The following GABRB2 variants were observed in gnomAD, a reference collection of about 807,000 sequenced individuals.
The protein encoded by GABRB2 is gamma-aminobutyric acid receptor subunit beta-2.
Under a neutral mutation model 54.7 loss-of-function variants are expected in GABRB2, and 16 were observed. The observed-to-expected ratio is 0.29, with a 90% confidence interval of 0.20 to 0.44. The LOEUF is 0.44. Among genes scored for constraint, GABRB2 ranks in the 20% least tolerant of loss-of-function variants. The pLI, the probability that GABRB2 is intolerant of heterozygous loss-of-function variation, is 1.00. For missense variants in GABRB2, 355 were observed against 644.0 expected, an observed-to-expected ratio of 0.55 and a Z score of 4.86; for synonymous variants, 244 against 233.8, an observed-to-expected ratio of 1.04 and a Z score of -0.40.
At position 161,358,937 on chromosome 5, in the gene GABRB2, C is replaced by A. The variant is rs368899242; in HGVS notation, c.542-22168G>T. Among the ~76,000 whole-genome samples the A allele has an allele frequency of 4.3e-4, 66 of 152,252 alleles. 1 individual carries two copies. In the East Asian group the frequency reaches 0.01, roughly 24 times the overall value. On this transcript the variant is annotated intron_variant, in intron 5 of 9. Coordinates refer to ENST00000393959, the MANE Select transcript of GABRB2 (RefSeq NM_001371727.1). ...AATTTAAAGTGTGAGCAGTCACTGTCCTTTACTTTAGTGAGCTTAAGTGGG... is the reference window on the plus strand; with the variant it reads ...AATTTAAAGTGTGAGCAGTCACTGTACTTTACTTTAGTGAGCTTAAGTGGG...
chr5:161,420,040 C>T lies in GABRB2; in HGVS notation c.459-8983G>A, dbSNP rs1756802900. Among the ~76,000 whole-genome samples the T allele has an allele frequency of 2.6e-5, 4 of 152,046 alleles. No homozygotes were observed. The South Asian group carries it at 6.2e-4, about 24-fold the overall frequency. On this transcript the variant is annotated intron_variant, in intron 4 of 9. Transcript: ENST00000393959. ...CAGAGTCTCTTACAGACTAGAAAGCCACTCTCTGTTTCAAAAGTGATTAAT... is the reference window on the plus strand; with the variant it reads ...CAGAGTCTCTTACAGACTAGAAAGCTACTCTCTGTTTCAAAAGTGATTAAT...
At chr5:161,507,516 G>T (rs771404108) in intron 3 of GABRB2, among the ~76,000 whole-genome samples, 1 of 152,052 alleles carries the variant, frequency 6.6e-6, no homozygotes, top group Non-Finnish European at 1.5e-5. Context: ...ATGAAAGTGA[G>T]TAGGCATGTC....
At chr5:161,506,105 TA>T (rs1476043650) in intron 3 of GABRB2, among the ~76,000 whole-genome samples, 1 of 152,034 alleles carries the variant, frequency 6.6e-6, no homozygotes, top group Non-Finnish European at 1.5e-5. Flanking sequence ...TAAAGGACGT[TA>T]GAAAGCTCAC....
chr5:161,459,488 C>T (rs1157197902), intron 4 of GABRB2, 136 bp downstream of exon 4: 1 of 731,506 alleles, frequency 1.4e-6, no homozygotes, highest in Non-Finnish European at 2.4e-6. Flanking sequence ...TCTCAAATGT[C>T]TAGTGGATAG....
chr5:161,363,915 T>C lies in GABRB2; in HGVS notation c.542-27146A>G, dbSNP rs1341990726. Among the ~76,000 whole-genome samples, 3 of 152,232 alleles carry C rather than the reference T, an allele frequency of 2.0e-5. No homozygotes were observed. The South Asian group carries it at 6.2e-4, about 31-fold the overall frequency. ...GATTCTAAAAGAAGTATATTTTAAA[T>C]ATTCAGTGTTTTGTTTATAATTTTA... On this transcript the variant is annotated intron_variant, in intron 5 of 9. Transcript: ENST00000393959.
intron 3 of GABRB2, among the ~76,000 whole-genome samples, chr5:161,537,484 G>A (rs1323913711): frequency 6.6e-6 from 1 of 151,952 alleles, no homozygotes; most frequent in Non-Finnish European, 1.5e-5. Context: ...TCCCCTTCCT[G>A]TCTTCCCTAC....
intron 5 of GABRB2, among the ~76,000 whole-genome samples, chr5:161,345,522 C>T (rs1416929902): frequency 6.6e-6 from 1 of 152,062 alleles, no homozygotes; most frequent in Non-Finnish European, 1.5e-5. Flanking sequence ...CTTCAGCAAT[C>T]CTCAGAACTC....
intron 5 of GABRB2, among the ~76,000 whole-genome samples, chr5:161,342,452 A>G (rs903636202): frequency 1.3e-5 from 2 of 152,070 alleles, no homozygotes; most frequent in Non-Finnish European, 2.9e-5. Flanking sequence ...GGGTTATGCA[A>G]TCAATATATT....
intron 7 of GABRB2, 100 bp downstream of exon 7, chr5:161,334,652 G>C (rs140436591): frequency 8.1e-7 from 1 of 1,228,864 alleles, no homozygotes; most frequent in Admixed American, 2.0e-5. Context: ...GTTCAGTTGC[G>C]TCATGCACCA....
intron 5 of GABRB2, among the ~76,000 whole-genome samples, chr5:161,352,123 T>C (rs1754488470): frequency 1.3e-5 from 2 of 151,962 alleles, no homozygotes; most frequent in South Asian, 4.1e-4. Flanking sequence ...TAATATAGCC[T>C]ATGGCAAACA....
intron 3 of GABRB2, among the ~76,000 whole-genome samples, chr5:161,526,565 A>G (rs951922856): frequency 6.6e-6 from 1 of 150,812 alleles, no homozygotes; most frequent in Non-Finnish European, 1.5e-5. Flanking sequence ...CATTCAAAGA[A>G]GTTTTTTTTT....
chr5:161,520,559 T>G (rs1406484166), intron 3 of GABRB2, among the ~76,000 whole-genome samples: 1 of 152,108 alleles, frequency 6.6e-6, no homozygotes, highest in Non-Finnish European at 1.5e-5. Context: ...AGTATCATAC[T>G]TCATCTTCAC....
intron 5 of GABRB2, among the ~76,000 whole-genome samples, chr5:161,352,990 C>T (rs1754518457): frequency 6.6e-6 from 1 of 151,872 alleles, no homozygotes; most frequent in Non-Finnish European, 1.5e-5. Flanking sequence ...TGTAAAAAAG[C>T]CAATGATACT....
At position 161,430,140 on chromosome 5, in the gene GABRB2, C is replaced by T. The variant is rs530981680; in HGVS notation, c.459-19083G>A. ...AGCCTCCGAGAAACTAAGTGATTCA[C>T]CCTAATTGAAACAGAGAGTTAGCTA... On this transcript the variant is annotated intron_variant, in intron 4 of 9. Transcript: ENST00000393959. Among the ~76,000 whole-genome samples, 7 of 151,986 alleles carry T rather than the reference C, an allele frequency of 4.6e-5. No homozygotes were observed. The East Asian group carries it at 1.4e-3, about 29-fold the overall frequency.
intron 3 of GABRB2, among the ~76,000 whole-genome samples, chr5:161,502,800 A>G (rs1759491556): frequency 6.6e-6 from 1 of 152,224 alleles, no homozygotes; most frequent in East Asian, 1.9e-4. Flanking sequence ...AAAGCAAACT[A>G]CTGGGTAGGA....
intron 5 of GABRB2, among the ~76,000 whole-genome samples, chr5:161,368,220 A>AG (rs1432560574): frequency 6.6e-6 from 1 of 152,078 alleles, no homozygotes. Context: ...AGGTGGAAAA[A>AG]TTGGAGCTCT....
intron 9 of GABRB2, among the ~76,000 whole-genome samples, chr5:161,309,096 C>T (rs1757784518): frequency 6.7e-6 from 1 of 150,114 alleles, no homozygotes; most frequent in Non-Finnish European, 1.5e-5. Flanking sequence ...AACATTTTTG[C>T]AAACAATGCA....
chr5:161,425,463 C>T (rs1365896734), intron 4 of GABRB2, among the ~76,000 whole-genome samples: 1 of 152,076 alleles, frequency 6.6e-6, no homozygotes, highest in African/African-American at 2.4e-5. Context: ...GATTATGACT[C>T]ACTGAAGTCT....
At position 161,495,795 on chromosome 5, in the gene GABRB2, C is replaced by T. The variant is rs912401941; in HGVS notation, c.238-35951G>A. The stretch of plus-strand genomic sequence containing the variant: ...GTGAGACTTCCTCATGAGGTGGCAG[C>T]ACACAAGAAAGGGATTTTGTAGTTC... On this transcript the variant is annotated intron_variant, in intron 3 of 9. Coordinates refer to ENST00000393959, the MANE Select transcript of GABRB2 (RefSeq NM_001371727.1). Among the ~76,000 whole-genome samples, 11 of 152,168 alleles carry T rather than the reference C, an allele frequency of 7.2e-5. 1 individual carries two copies. Among genetic ancestry groups the T allele is most frequent in the Admixed American group, 3.9e-4 (6 of 15,246 alleles).
Sources: allele counts gnomAD v4.1 joint callset (sites outside exome capture counted in the v4.1 genomes callset), GRCh38; gene constraint gnomAD v4.1.1; transcripts MANE v1.5; gene names NCBI Gene and HGNC (gene_info 2026-07-23, HGNC 2026-07-21).